Variants in SGSM1 observed in about 807,000 individuals in gnomAD.
SGSM1 encodes RUN and TBC1 domain containing 2.
SGSM1 carries 73 observed loss-of-function variants against 133.8 expected under a neutral mutation model. The observed-to-expected ratio is 0.55, with a 90% confidence interval of 0.45 to 0.66. The LOEUF (loss-of-function observed/expected upper bound fraction) is 0.66, where lower values mean the gene tolerates loss of function less well. SGSM1 is among the 30% of genes least tolerant of loss of function. The pLI, the probability that SGSM1 is intolerant of heterozygous loss-of-function variation, is 0.00. For synonymous variants in SGSM1, 563 were observed against 573.0 expected, an observed-to-expected ratio of 0.98 and a Z score of 0.25; for missense variants, 1,213 against 1,448.1, an observed-to-expected ratio of 0.84 and a Z score of 2.64.
At chr22:24,923,939 G>A (rs992613185) in intron 24 of SGSM1, among the ~76,000 whole-genome samples, 29 of 152,052 alleles carry the variant, frequency 1.9e-4, no homozygotes, top group Non-Finnish European at 4.0e-4. Context: ...CCTTTTTATG[G>A]CACATCCTGT....
chr22:24,807,254 C>T lies in SGSM1; in HGVS notation c.63+770C>T, dbSNP rs372476255. ...GGGTAGCATCTCGATGCCTGGACTG[C>T]GTGCTCTGGTGTGTATACCTGCATG... is the stretch of plus-strand genomic sequence containing the variant. On this transcript the variant is annotated intron_variant, in intron 2 of 24. Transcript: ENST00000400358. Among the ~76,000 whole-genome samples the T allele has an allele frequency of 6.6e-5, 10 of 152,246 alleles. No homozygotes were observed. The East Asian group carries it at 9.7e-4, about 15-fold the overall frequency.
At chr22:24,861,633 T>G (rs1931158995) in intron 9 of SGSM1, among the ~76,000 whole-genome samples, 1 of 149,800 alleles carries the variant, frequency 6.7e-6, no homozygotes, top group Admixed American at 6.7e-5. Flanking sequence ...CTGCAACCTC[T>G]GCTTCCTGGG....
intron 4 of SGSM1, among the ~76,000 whole-genome samples, chr22:24,848,051 A>G (rs1468316623): frequency 6.7e-6 from 1 of 149,824 alleles, no homozygotes; most frequent in Non-Finnish European, 1.5e-5. Flanking sequence ...TCCAACTCTC[A>G]CTCCATCTTC....
intron 2 of SGSM1, among the ~76,000 whole-genome samples, chr22:24,812,075 C>T (rs1160692029): frequency 6.7e-6 from 1 of 149,974 alleles, no homozygotes; most frequent in Non-Finnish European, 1.5e-5. Context: ...GATGCTGAGG[C>T]AGGAGAATCG....
intron 20 of SGSM1, among the ~76,000 whole-genome samples, chr22:24,903,016 C>T (rs139742): frequency 0.37 from 55,585 of 151,810 alleles, 10,567 homozygotes; most frequent in East Asian, 0.64. Flanking sequence ...CACTCCAGCC[C>T]GGGCAACAGA....
intron 12 of SGSM1, among the ~76,000 whole-genome samples, chr22:24,869,099 T>C (rs1369096485): frequency 1.4e-4 from 21 of 152,148 alleles, no homozygotes. Context: ...TGGCATAGGC[T>C]CTGGAATCCT....
intron 16 of SGSM1, among the ~76,000 whole-genome samples, chr22:24,889,372 T>C (rs1308128431): frequency 1.3e-5 from 2 of 152,116 alleles, no homozygotes; most frequent in Non-Finnish European, 2.9e-5. Flanking sequence ...TACAATTTTT[T>C]GACTTCATGA....
At chr22:24,913,313 AAG>A (rs1364701471) in intron 22 of SGSM1, among the ~76,000 whole-genome samples, 1 of 151,584 alleles carries the variant, frequency 6.6e-6, no homozygotes, top group Non-Finnish European at 1.5e-5. Context: ...AAAAAAAAGA[AAG>A]AAAAAAAGAA....
chr22:24,922,017 C>A (rs1445366703), intron 24 of SGSM1, among the ~76,000 whole-genome samples: 1 of 151,870 alleles, frequency 6.6e-6, no homozygotes, highest in Non-Finnish European at 1.5e-5. Context: ...ACATATATAT[C>A]TAAAGAAAAT....
rs1459972251 is a variant in SGSM1 at position 24,847,778 on chromosome 22, A to G, written c.284A>G (p.Glu95Gly). ...EDLSRKVQDL[E>G]QLIESARNQI... ...CTGAGCCGCAAGGTGCAAGACCTGG[A>G]GCAGCTGATCGAGAGCGCGTGAGTG... is the stretch of plus-strand genomic sequence containing the variant. Residue 95 changes from glutamate to glycine, a missense_variant, in exon 4 of 25, where the codon GAG (glutamate) becomes GGG (glycine). By Grantham distance (98) the Glu-to-Gly change is moderately conservative (BLOSUM62 -2). Transcript: ENST00000400358. 1.2e-6 allele frequency: 2 copies of G among 1,613,792 alleles called. No homozygotes were observed. The highest frequency in any genetic ancestry group is 1.3e-5 in the African/African-American group (1 of 74,934).
At chr22:24,847,120 C>T (rs1930193887) in intron 3 of SGSM1, among the ~76,000 whole-genome samples, 1 of 152,128 alleles carries the variant, frequency 6.6e-6, no homozygotes, top group Non-Finnish European at 1.5e-5. Context: ...GCCTTGGCCT[C>T]CCAAAGTGCT....
chr22:24,884,037 C>T lies in SGSM1; in HGVS notation c.1496-16C>T. On this transcript the variant is annotated splice_polypyrimidine_tract_variant and intron_variant, in intron 14 of 24. Coordinates refer to ENST00000400358, the MANE Select transcript of SGSM1 (RefSeq NM_001098497.3). ...CAGGTGGTGGATGATGACACTTTCC[C>T]TCCCTCCCTCAACAGGGCTGGCCTA... The T allele has an allele frequency of 1.9e-6, 3 of 1,588,530 alleles. No individual in the cohort carries two copies. The highest frequency in any genetic ancestry group is 2.3e-5 in the East Asian group (1 of 44,096).
At chr22:24,893,094 G>A (rs2123693631) in intron 16 of SGSM1, among the ~76,000 whole-genome samples, 1 of 149,748 alleles carries the variant, frequency 6.7e-6, no homozygotes, top group African/African-American at 2.4e-5. Flanking sequence ...GGGGGGGAGG[G>A]AAAGAAAAAT....
chr22:24,818,973 C>T (rs1253851867), intron 2 of SGSM1, among the ~76,000 whole-genome samples: 1 of 151,772 alleles, frequency 6.6e-6, no homozygotes, highest in Non-Finnish European at 1.5e-5. Flanking sequence ...GATGAAACCC[C>T]ATCTCTACTA....
In SGSM1 at chr22:24,806,351, G is replaced by T; in HGVS notation, c.19+7G>T. 2 of 1,486,546 alleles carry T rather than the reference G, an allele frequency of 1.3e-6. No homozygotes were observed. Among genetic ancestry groups the T allele is most frequent in the Middle Eastern group, 2.3e-4 (1 of 4,400 alleles). 92.1% of individuals were successfully genotyped at this position (1,486,546 alleles called of 1,614,324 possible). ...ATGGCCTCGGCCCCCGCGGGTAAGA[G>T]GCCGCTGGACACGAGGGCGGCGGGA... On this transcript the variant is annotated splice_region_variant and intron_variant, in intron 1 of 24. Transcript: ENST00000400358.
intron 21 of SGSM1, among the ~76,000 whole-genome samples, chr22:24,909,992 A>G (rs1485283276): frequency 6.6e-6 from 1 of 152,246 alleles, no homozygotes; most frequent in East Asian, 1.9e-4. Flanking sequence ...GTATATCCAT[A>G]CAATGGAATA....
chr22:24,848,662 G>A lies in SGSM1; in HGVS notation c.302+866G>A, dbSNP rs140992065. On this transcript the variant is annotated intron_variant, in intron 4 of 24. Coordinates refer to ENST00000400358, the MANE Select transcript of SGSM1 (RefSeq NM_001098497.3). ...TCCTGGCAACAAATTCGGTGCTGGT[G>A]GCTTCCCAGAGGAATGTGCTGTGAT... 1.9e-3 allele frequency among the ~76,000 whole-genome samples: 284 copies of A among 152,368 alleles called. 1 individual carries two copies. The highest frequency in any genetic ancestry group is 6.4e-3 in the African/African-American group (266 of 41,598).
rs150456163 is a variant in SGSM1, at chr22:24,855,537, A to T, written c.670-12A>T. 6.2e-7 allele frequency: 1 copy of T among 1,613,464 alleles called. No homozygotes were observed. The highest frequency in any genetic ancestry group is 1.7e-5 in the Admixed American group (1 of 59,982). ...AGGCCTCATCCCTCTGTCTCCCGTCACTCTCTACCAGATCCAGAAGAGGCA... is the reference window on the plus strand; with the variant it reads ...AGGCCTCATCCCTCTGTCTCCCGTCTCTCTCTACCAGATCCAGAAGAGGCA... On this transcript the variant is annotated splice_polypyrimidine_tract_variant and intron_variant, in intron 7 of 24. Coordinates refer to ENST00000400358, the MANE Select transcript of SGSM1 (RefSeq NM_001098497.3).
At chr22:24,920,030 G>A (rs1364405767) in intron 24 of SGSM1, 37 bp downstream of exon 24, 17 of 1,553,546 alleles carry the variant, frequency 1.1e-5, no homozygotes, top group Non-Finnish European at 1.5e-5. Context: ...GAGGGGTGCA[G>A]GCTTCTGGAG....
Sources: gnomAD v4.1 joint callset for allele counts (sites outside exome capture counted in the v4.1 genomes callset) on GRCh38, gnomAD v4.1.1 for gene constraint, MANE v1.5 for transcripts, NCBI Gene and HGNC (gene_info 2026-07-23, HGNC 2026-07-21) for gene names.